Variants in BICC1 observed in about 807,000 individuals in gnomAD.
The protein encoded by BICC1 is BicC family RNA binding protein 1.
BICC1 carries 43 observed loss-of-function variants against 111.0 expected under a neutral mutation model. That is an observed-to-expected ratio of 0.39 (90% CI 0.30 to 0.50). BICC1 has a LOEUF of 0.50. Among genes scored for constraint, BICC1 ranks in the 20% least tolerant of loss-of-function variants. The probability of loss-of-function intolerance (pLI) is 0.88; values close to 1 mark genes in which losing one functional copy is unlikely to be tolerated. For synonymous variants in BICC1, 467 were observed against 434.4 expected, an observed-to-expected ratio of 1.07 and a Z score of -0.93; for missense variants, 1,091 against 1,203.2, an observed-to-expected ratio of 0.91 and a Z score of 1.38.
At position 58,789,751 on chromosome 10, in the gene BICC1, C is replaced by T. The variant is rs1408533266; in HGVS notation, c.865C>T (p.Leu289=). The change falls in exon 8 of 21, where the codon CTA becomes TTA. Residue 289 remains leucine, a synonymous_variant. Transcript: ENST00000373886. ...ATCAGCTATTCCTGTGAGCACACAACTAGATATTGCAGCTCAACATCATCT... is the reference window on the plus strand; with the variant it reads ...ATCAGCTATTCCTGTGAGCACACAATTAGATATTGCAGCTCAACATCATCT... ...LASAIPVSTQ[L]DIAAQHHLFM... is the part of the protein sequence containing the mutation. 1 of 1,614,102 alleles carries T rather than the reference C, an allele frequency of 6.2e-7. No homozygotes were observed. The highest frequency in any genetic ancestry group is 1.3e-5 in the African/African-American group (1 of 75,030).
chr10:58,740,140 C>G (rs1041078590), intron 3 of BICC1, among the ~76,000 whole-genome samples: 10 of 152,118 alleles, frequency 6.6e-5, no homozygotes, highest in African/African-American at 1.9e-4. Flanking sequence ...ATGCAGGAAC[C>G]TGCAGGAAGT....
chr10:58,781,839 C>A (rs1334902186), intron 3 of BICC1, among the ~76,000 whole-genome samples: 3 of 152,070 alleles, frequency 2.0e-5, no homozygotes, highest in Non-Finnish European at 4.4e-5. Flanking sequence ...ATCTTTTAAG[C>A]AAGAGCCAAA....
In BICC1 at chr10:58,569,139, T is replaced by C. The variant is rs146836583; in HGVS notation, c.191-51716T>C. Among the ~76,000 whole-genome samples, 5 of 152,302 alleles carry C rather than the reference T, an allele frequency of 3.3e-5. No individual in the cohort carries two copies. The East Asian group carries it at 7.7e-4, about 23-fold the overall frequency. ...CACTAGAAATGCTGTTCATGTATGTTTAAAAGTTACATTGAAAGGGAGAAA... is the reference window on the plus strand; with the variant it reads ...CACTAGAAATGCTGTTCATGTATGTCTAAAAGTTACATTGAAAGGGAGAAA... On this transcript the variant is annotated intron_variant, in intron 1 of 20. Transcript: ENST00000373886.
At chr10:58,693,858 T>C (rs977208143) in intron 2 of BICC1, among the ~76,000 whole-genome samples, 3 of 152,154 alleles carry the variant, frequency 2.0e-5, no homozygotes, top group Non-Finnish European at 4.4e-5. Context: ...AGAAGCTCTT[T>C]AGTTTAATTA....
chr10:58,637,853 C>T (rs777193563), intron 2 of BICC1, among the ~76,000 whole-genome samples: 17 of 151,736 alleles, frequency 1.1e-4, no homozygotes, highest in African/African-American at 1.5e-4. Context: ...GCATGGTGGA[C>T]CAGAGGGGAT....
chr10:58,799,038 C>T lies in BICC1; in HGVS notation c.1529-18C>T, dbSNP rs1461320568. The T allele has an allele frequency of 2.0e-6, 3 of 1,500,996 alleles. No homozygotes were observed. The highest frequency in any genetic ancestry group is 1.4e-5 in the African/African-American group (1 of 71,992). The allele number at this position is 1,500,996 out of a possible 1,614,324, so 93.0% of individuals were successfully genotyped here. On this transcript the variant is annotated intron_variant, in intron 11 of 20. Transcript: ENST00000373886. ...TGAGTTTCTTCCTAATATCTGTCAT[C>T]ATAAAATGTTGTTGTAGGTTTTTCT... is the stretch of plus-strand genomic sequence containing the variant.
chr10:58,648,064 T>A (rs576663316), intron 2 of BICC1, among the ~76,000 whole-genome samples: 1 of 152,332 alleles, frequency 6.6e-6, no homozygotes, highest in East Asian at 1.9e-4. Flanking sequence ...CTTACTTTAA[T>A]TAGAAAAGAT....
At chr10:58,799,598 A>G (rs73306913) in intron 12 of BICC1, among the ~76,000 whole-genome samples, 3,216 of 152,190 alleles carry the variant, frequency 0.021, 76 homozygotes, top group African/African-American at 0.063. Flanking sequence ...GTTATTGAAC[A>G]TGGATTCCTT....
chr10:58,771,255 G>A (rs1461697661), intron 3 of BICC1, among the ~76,000 whole-genome samples: 1 of 152,140 alleles, frequency 6.6e-6, no homozygotes, highest in Non-Finnish European at 1.5e-5. Context: ...CTAAGGGGAT[G>A]ACATTTTTAA....
At chr10:58,676,622 C>G (rs910168651) in intron 2 of BICC1, among the ~76,000 whole-genome samples, 1 of 152,186 alleles carries the variant, frequency 6.6e-6, no homozygotes, top group Non-Finnish European at 1.5e-5. Flanking sequence ...GGTACAGCAT[C>G]AGCAGGCTTA....
At chr10:58,583,107 A>G (rs1290749117) in intron 1 of BICC1, among the ~76,000 whole-genome samples, 3 of 152,142 alleles carry the variant, frequency 2.0e-5, no homozygotes, top group African/African-American at 7.2e-5. Flanking sequence ...TGGTTCCTCT[A>G]TCAGTTGAAG....
chr10:58,697,522 C>G (rs1193197590), intron 2 of BICC1, among the ~76,000 whole-genome samples: 2 of 152,132 alleles, frequency 1.3e-5, no homozygotes, highest in Non-Finnish European at 2.9e-5. Flanking sequence ...TCCCCTGAAA[C>G]AAATAGTCAT....
At chr10:58,567,846 T>G (rs1843819291) in intron 1 of BICC1, among the ~76,000 whole-genome samples, 1 of 152,232 alleles carries the variant, frequency 6.6e-6, no homozygotes, top group Non-Finnish European at 1.5e-5. Context: ...CGTCATCTGA[T>G]TCTCAAGTAA....
At chr10:58,660,827 T>C (rs1838819845) in intron 2 of BICC1, among the ~76,000 whole-genome samples, 1 of 152,222 alleles carries the variant, frequency 6.6e-6, no homozygotes, top group African/African-American at 2.4e-5. Context: ...CGACTTCATG[T>C]GCTGCCAAGG....
chr10:58,649,791 G>T lies in BICC1; in HGVS notation c.237+28890G>T, dbSNP rs897930021. Among the ~76,000 whole-genome samples, 3 of 152,154 alleles carry T rather than the reference G, an allele frequency of 2.0e-5. No individual in the cohort carries two copies. In the East Asian group the frequency reaches 5.8e-4, roughly 29 times the overall value. On this transcript the variant is annotated intron_variant, in intron 2 of 20. Coordinates refer to ENST00000373886, the MANE Select transcript of BICC1 (RefSeq NM_001080512.3). Reference sequence around the variant, plus strand: ...CTTCTAGCAACATGGGATTACATAGGTTCTACTGTTGTTCTTTTGCATGTA... The same window carrying T: ...CTTCTAGCAACATGGGATTACATAGTTTCTACTGTTGTTCTTTTGCATGTA...
At chr10:58,705,971 T>A (rs1840374845) in intron 3 of BICC1, among the ~76,000 whole-genome samples, 1 of 152,214 alleles carries the variant, frequency 6.6e-6, no homozygotes, top group African/African-American at 2.4e-5. Context: ...ACTGTAGAAT[T>A]GTCTTAAAGA....
At chr10:58,804,716 T>C (rs981973580) in intron 15 of BICC1, among the ~76,000 whole-genome samples, 1 of 152,162 alleles carries the variant, frequency 6.6e-6, no homozygotes, top group Non-Finnish European at 1.5e-5. Context: ...TGTTTCTTTC[T>C]TTTAGGATGG....
intron 2 of BICC1, among the ~76,000 whole-genome samples, chr10:58,627,492 A>G (rs1423089242): frequency 6.6e-6 from 1 of 152,252 alleles, no homozygotes; most frequent in Admixed American, 6.5e-5. Context: ...ATCTTGAGAT[A>G]CAGACTTCCT....
intron 1 of BICC1, among the ~76,000 whole-genome samples, chr10:58,594,810 G>A (rs1331478482): frequency 6.6e-6 from 1 of 152,100 alleles, no homozygotes; most frequent in Non-Finnish European, 1.5e-5. Flanking sequence ...TAAAGAAACT[G>A]CATCAACTAA....
Sources: allele counts gnomAD v4.1 joint callset (sites outside exome capture counted in the v4.1 genomes callset), GRCh38; gene constraint gnomAD v4.1.1; transcripts MANE v1.5; gene names NCBI Gene and HGNC (gene_info 2026-07-23, HGNC 2026-07-21).